The following NEDD4L variants were observed in gnomAD, a reference collection of about 807,000 sequenced individuals.
NEDD4L encodes the protein NEDD4 like E3 ubiquitin protein ligase, also known as E3 ubiquitin-protein ligase NEDD4-like.
A neutral mutation model predicts 148.9 loss-of-function variants in NEDD4L; 54 were observed. That is an observed-to-expected ratio of 0.36 (90% CI 0.29 to 0.45). NEDD4L has a LOEUF of 0.45. NEDD4L is among the 20% of genes least tolerant of loss of function. The probability of loss-of-function intolerance (pLI) is 1.00; values close to 1 mark genes in which losing one functional copy is unlikely to be tolerated. For synonymous variants in NEDD4L, 433 were observed against 440.7 expected (o/e 0.98, Z 0.22); for missense variants, 856 against 1,233.8 (o/e 0.69, Z 4.59).
At chr18:58,096,005 G>T (rs1401425947) in intron 1 of NEDD4L, among the ~76,000 whole-genome samples, 3 of 151,862 alleles carry the variant, frequency 2.0e-5, no homozygotes, top group African/African-American at 4.8e-5. Flanking sequence ...TTCTTCCAGT[G>T]TGGCCCAGGG....
At chr18:58,368,772 C>T (rs1026089931) in intron 22 of NEDD4L, among the ~76,000 whole-genome samples, 4 of 151,780 alleles carry the variant, frequency 2.6e-5, no homozygotes, top group Admixed American at 6.6e-5. Context: ...GGTAGCAGGG[C>T]GACAGTAAAC....
At chr18:58,346,351 AAGTAT>A (rs1418648823) in intron 16 of NEDD4L, among the ~76,000 whole-genome samples, 4 of 152,260 alleles carry the variant, frequency 2.6e-5, no homozygotes, top group African/African-American at 9.6e-5. Flanking sequence ...CTGAAGTGGT[AAGTAT>A]AACTGCAAAT....
Position 58,391,581 on chromosome 18 carries a change from A to G in NEDD4L, c.2825+22A>G, listed in dbSNP as rs192223856. ...CATGGTGAGTGACAAAAACACATGC[A>G]TGTCAATGCAATATCTGAACTGCTT... On this transcript the variant is annotated intron_variant, in intron 30 of 30. Transcript: ENST00000400345. 3.6e-4 allele frequency: 543 copies of G among 1,524,226 alleles called. 1 individual carries two copies. In the African/African-American group the frequency reaches 6.6e-3, roughly 18 times the overall value. The allele number at this position is 1,524,226 out of a possible 1,614,324, so 94.4% of individuals were successfully genotyped here. A position where few individuals can be genotyped will look rare whatever the true frequency, so the allele number is the denominator to read the frequency against.
At chr18:58,092,856 T>TC (rs894801917) in intron 1 of NEDD4L, among the ~76,000 whole-genome samples, 2 of 142,034 alleles carry the variant, frequency 1.4e-5, no homozygotes, top group African/African-American at 5.5e-5. Flanking sequence ...CCTCTCTCTC[T>TC]TTTTTTTTTG....
intron 5 of NEDD4L, among the ~76,000 whole-genome samples, chr18:58,288,414 A>G (rs2054233042): frequency 6.6e-6 from 1 of 152,252 alleles, no homozygotes; most frequent in Non-Finnish European, 1.5e-5. Context: ...GTGGACATAT[A>G]AGTATCAGAC....
chr18:58,134,348 A>T (rs2032561348), intron 1 of NEDD4L, among the ~76,000 whole-genome samples: 1 of 150,356 alleles, frequency 6.7e-6, no homozygotes, highest in African/African-American at 2.5e-5. Context: ...CAGTTAAAGC[A>T]ATTCCATTTC....
At chr18:58,160,407 G>A (rs12966582) in intron 1 of NEDD4L, among the ~76,000 whole-genome samples, 3 of 152,178 alleles carry the variant, frequency 2.0e-5, no homozygotes, top group Non-Finnish European at 4.4e-5. Context: ...AAAGCTTATA[G>A]AATCACCCCG....
rs76082771 is a variant in NEDD4L, at chr18:58,200,631, G to A, written c.122+34770G>A. The stretch of plus-strand genomic sequence containing the variant: ...AATTTTTAAAGTACTACTGGAGATT[G>A]TTGGCTTTAGGTTCGTGAACCCCAT... On this transcript the variant is annotated intron_variant, in intron 2 of 30. Transcript: ENST00000400345. Among the ~76,000 whole-genome samples the A allele has an allele frequency of 0.021, 3,223 of 152,324 alleles. 276 individuals carry two copies. The East Asian group carries it at 0.23, about 11-fold the overall frequency.
intron 1 of NEDD4L, among the ~76,000 whole-genome samples, chr18:58,106,449 T>A (rs1310085259): frequency 6.6e-6 from 1 of 152,190 alleles, no homozygotes; most frequent in East Asian, 1.9e-4. Context: ...GTTGAGAGTC[T>A]CCCGAGTGCT....
intron 2 of NEDD4L, among the ~76,000 whole-genome samples, chr18:58,179,716 C>T (rs2038612595): frequency 6.6e-6 from 1 of 151,684 alleles, no homozygotes; most frequent in Non-Finnish European, 1.5e-5. Context: ...AATCTAACGC[C>T]TGATGATCCG....
intron 1 of NEDD4L, among the ~76,000 whole-genome samples, chr18:58,114,361 T>TAC (rs140008479): frequency 0.091 from 13,679 of 150,828 alleles, 702 homozygotes; most frequent in Non-Finnish European, 0.11. Flanking sequence ...TATATATATA[T>TAC]ACACACACAC....
chr18:58,156,211 T>G (rs1023653609), intron 1 of NEDD4L, among the ~76,000 whole-genome samples: 1 of 152,220 alleles, frequency 6.6e-6, no homozygotes, highest in Non-Finnish European at 1.5e-5. Flanking sequence ...GTGTTCTTCC[T>G]AAAAGGAATT....
intron 2 of NEDD4L, among the ~76,000 whole-genome samples, chr18:58,236,695 C>T (rs1372172660): frequency 2.0e-5 from 3 of 152,218 alleles, no homozygotes; most frequent in African/African-American, 4.8e-5. Flanking sequence ...ATGACCATTG[C>T]TCATAGTTTT....
chr18:58,116,252 G>A (rs2085830003), intron 1 of NEDD4L, among the ~76,000 whole-genome samples: 1 of 152,220 alleles, frequency 6.6e-6, no homozygotes, highest in Non-Finnish European at 1.5e-5. Context: ...TTTTCTGTGA[G>A]TCACCAAATC....
At chr18:58,090,524 G>A (rs1167810769) in intron 1 of NEDD4L, among the ~76,000 whole-genome samples, 1 of 152,206 alleles carries the variant, frequency 6.6e-6, no homozygotes, top group Non-Finnish European at 1.5e-5. Flanking sequence ...TGTTGCCCAG[G>A]CTGGAATGCA....
intron 1 of NEDD4L, among the ~76,000 whole-genome samples, chr18:58,117,536 C>T (rs1219214814): frequency 6.6e-6 from 1 of 152,212 alleles, no homozygotes; most frequent in East Asian, 1.9e-4. Flanking sequence ...AAACCATCCT[C>T]ATCGCTTCAC....
At chr18:58,202,262 C>T (rs1044358626) in intron 2 of NEDD4L, among the ~76,000 whole-genome samples, 1 of 152,212 alleles carries the variant, frequency 6.6e-6, no homozygotes, top group South Asian at 2.1e-4. Context: ...AAGGGAGAGC[C>T]GGAAGCCCAG....
At chr18:58,204,966 G>C (rs2041827513) in intron 2 of NEDD4L, among the ~76,000 whole-genome samples, 1 of 152,182 alleles carries the variant, frequency 6.6e-6, no homozygotes, top group Non-Finnish European at 1.5e-5. Context: ...CATCAAACCA[G>C]TGATAAAGCA....
chr18:58,343,485 T>A (rs1352889317), intron 16 of NEDD4L, among the ~76,000 whole-genome samples: 4 of 152,258 alleles, frequency 2.6e-5, no homozygotes, highest in African/African-American at 9.6e-5. Flanking sequence ...AGTTTCTTCT[T>A]GCACTTTCAT....
Sources: allele counts gnomAD v4.1 joint callset (sites outside exome capture counted in the v4.1 genomes callset), GRCh38; gene constraint gnomAD v4.1.1; transcripts MANE v1.5; gene names NCBI Gene and HGNC (gene_info 2026-07-23, HGNC 2026-07-21).